TMEM87A: variants seen among roughly 807,000 people sequenced by gnomAD.
TMEM87A encodes the protein transmembrane protein 87A.
A neutral mutation model predicts 90.0 loss-of-function variants in TMEM87A; 50 were observed. That is an observed-to-expected ratio of 0.56 (90% CI 0.44 to 0.70). The LOEUF is 0.70. TMEM87A is among the 30% of genes least tolerant of loss of function. TMEM87A has a pLI of 0.00. For synonymous variants in TMEM87A, 226 were observed against 226.7 expected (o/e 1.00, Z 0.03); for missense variants, 577 against 660.5 (o/e 0.87, Z 1.39).
intron 6 of TMEM87A, among the ~76,000 whole-genome samples, chr15:42,245,237 T>C (rs538771666): frequency 5.9e-5 from 9 of 152,306 alleles, no homozygotes; most frequent in African/African-American, 1.9e-4. Flanking sequence ...GAGAAAACTT[T>C]GCAGCTTCAA....
intron 15 of TMEM87A, among the ~76,000 whole-genome samples, chr15:42,224,147 A>G (rs745961445): frequency 1.9e-4 from 29 of 152,174 alleles, no homozygotes; most frequent in Non-Finnish European, 3.7e-4. Flanking sequence ...ATGGTTTATG[A>G]TAGGGGCTTT....
chr15:42,239,790 T>TAG, intron 7 of TMEM87A, 59 bp from the exon 8 acceptor site: 1 of 1,407,328 alleles, frequency 7.1e-7, no homozygotes, highest in Non-Finnish European at 1.0e-6. Flanking sequence ...ACAAAAATAT[T>TAG]GCCTAATATT....
At chr15:42,222,531 A>T (rs977280196) in intron 15 of TMEM87A, among the ~76,000 whole-genome samples, 1 of 151,924 alleles carries the variant, frequency 6.6e-6, no homozygotes, top group Non-Finnish European at 1.5e-5. Context: ...AGAATCAAGT[A>T]ATTCTTGGTG....
At chr15:42,250,669 ATTTT>A (rs2051068684) in intron 6 of TMEM87A, among the ~76,000 whole-genome samples, 1 of 151,844 alleles carries the variant, frequency 6.6e-6, no homozygotes, top group African/African-American at 2.4e-5. Flanking sequence ...TGCCCTTAAC[ATTTT>A]TTTCCTTCAT....
intron 3 of TMEM87A, among the ~76,000 whole-genome samples, chr15:42,265,206 T>A (rs1351876094): frequency 6.6e-6 from 1 of 152,224 alleles, no homozygotes; most frequent in South Asian, 2.1e-4. Flanking sequence ...ATGATTTATA[T>A]TACTTTGGAT....
intron 1 of TMEM87A, 48 bp from the exon 2 acceptor site, chr15:42,272,171 C>T (rs4244587): frequency 0.82 from 1,120,021 of 1,366,720 alleles, 467,608 homozygotes; most frequent in Non-Finnish European, 0.86. Flanking sequence ...CTTCAATTAC[C>T]AAAGCATCAT....
intron 15 of TMEM87A, among the ~76,000 whole-genome samples, chr15:42,221,339 C>CAACAGCA (rs1225996869): frequency 6.6e-6 from 1 of 151,768 alleles, no homozygotes; most frequent in Non-Finnish European, 1.5e-5. Flanking sequence ...GAGGAAAAGG[C>CAACAGCA]AACAGCATTC....
intron 1 of TMEM87A, chr15:42,272,581 G>A (rs1230131495): frequency 4.2e-6 from 1 of 240,344 alleles, no homozygotes; most frequent in Non-Finnish European, 8.3e-6. Flanking sequence ...CTGCTCACAG[G>A]ACTATACCTG....
At chr15:42,245,729 G>A (rs909061800) in intron 6 of TMEM87A, among the ~76,000 whole-genome samples, 8 of 150,840 alleles carry the variant, frequency 5.3e-5, no homozygotes, top group African/African-American at 1.7e-4. Context: ...ACGGGGTTTC[G>A]CCATGTTGGC....
At chr15:42,229,950 C>T (rs894498098) in intron 12 of TMEM87A, among the ~76,000 whole-genome samples, 3 of 152,164 alleles carry the variant, frequency 2.0e-5, no homozygotes, top group Non-Finnish European at 4.4e-5. Flanking sequence ...CTCAGGCTCC[C>T]GAGCAGCTGG....
At chr15:42,264,603 TCTTAAAAATG>T (rs1444165244) in intron 3 of TMEM87A, among the ~76,000 whole-genome samples, 1 of 150,778 alleles carries the variant, frequency 6.6e-6, no homozygotes, top group East Asian at 1.9e-4. Context: ...AGGATAATCT[TCTTAAAAATG>T]CAAATTGAGA....
At position 42,212,885 on chromosome 15, in the gene TMEM87A, GAAAA is replaced by G. The variant is rs534405619; in HGVS notation, c.1627-1140_1627-1137del. Reference sequence around the variant, plus strand: ...TTTAAGGTCTTTTTCAGTTTTAAGGGAAAAAAAGGCCTTGGAGAAAGTGATGTCA... The same window carrying G: ...TTTAAGGTCTTTTTCAGTTTTAAGGGAAAGGCCTTGGAGAAAGTGATGTCA... On this transcript the variant is annotated intron_variant, in intron 19 of 19. Coordinates refer to ENST00000389834, the MANE Select transcript of TMEM87A (RefSeq NM_015497.5). 9.4e-3 allele frequency among the ~76,000 whole-genome samples: 1,427 copies of G among 152,018 alleles called. 25 individuals are homozygous for G. Among genetic ancestry groups the G allele is most frequent in the African/African-American group, 0.033 (1,381 of 41,462 alleles).
At chr15:42,263,995 G>T in intron 4 of TMEM87A, 95 bp downstream of exon 4, 1 of 886,054 alleles carries the variant, frequency 1.1e-6, no homozygotes, top group Non-Finnish European at 1.8e-6. Flanking sequence ...TCTGCCAAAA[G>T]AAATACTTGA....
intron 6 of TMEM87A, 35 bp downstream of exon 6, chr15:42,260,923 T>C (rs756248821): frequency 1.5e-5 from 24 of 1,591,360 alleles, no homozygotes; most frequent in Middle Eastern, 1.7e-4. Context: ...AACTAAAATA[T>C]GTGTTCAATG....
intron 6 of TMEM87A, among the ~76,000 whole-genome samples, chr15:42,254,241 A>G (rs2051136901): frequency 6.6e-6 from 1 of 152,222 alleles, no homozygotes; most frequent in Non-Finnish European, 1.5e-5. Flanking sequence ...ACAGCCTACA[A>G]GAGTAGTTTT....
intron 8 of TMEM87A, among the ~76,000 whole-genome samples, chr15:42,239,264 C>T (rs1757191492): frequency 6.6e-6 from 1 of 152,194 alleles, no homozygotes; most frequent in Non-Finnish European, 1.5e-5. Flanking sequence ...TGGTCTCAAA[C>T]TCCTGACCTC....
At chr15:42,267,521 G>GGAATATAA (rs2051429453) in intron 3 of TMEM87A, among the ~76,000 whole-genome samples, 1 of 151,730 alleles carries the variant, frequency 6.6e-6, no homozygotes. Context: ...AGTGAAGGAG[G>GGAATATAA]GAATATAAGA....
intron 2 of TMEM87A, among the ~76,000 whole-genome samples, chr15:42,268,843 A>C (rs6493029): frequency 0.94 from 143,108 of 152,094 alleles, 67,876 homozygotes; most frequent in Non-Finnish European, 1. Flanking sequence ...AGGCAATATT[A>C]ACAACTGTTA....
intron 10 of TMEM87A, 66 bp downstream of exon 10, chr15:42,236,254 A>G (rs559002177): frequency 1.5e-6 from 2 of 1,292,328 alleles, no homozygotes; most frequent in South Asian, 1.2e-5. Context: ...CATTGGGAAC[A>G]TGCAATACTG....
Sources: allele counts gnomAD v4.1 joint callset (sites outside exome capture counted in the v4.1 genomes callset), GRCh38; gene constraint gnomAD v4.1.1; transcripts MANE v1.5; gene names NCBI Gene and HGNC (gene_info 2026-07-23, HGNC 2026-07-21).